DTD1: variants seen among roughly 807,000 people sequenced by gnomAD.
DTD1 encodes D-aminoacyl-tRNA deacylase 1, also known as D-tyrosyl-tRNA deacylase 1 homolog.
Under a neutral mutation model 25.6 loss-of-function variants are expected in DTD1, and 13 were observed. The ratio of observed to expected loss-of-function variants is 0.51; its 90% CI spans 0.33 to 0.81. The LOEUF is 0.81. Ranked by LOEUF, DTD1 falls within the 30% of genes least tolerant of loss-of-function variation. The pLI is 0.02. For missense variants in DTD1, 193 were observed against 266.4 expected (o/e 0.72, Z 1.92); for synonymous variants, 110 against 103.6 (o/e 1.06, Z -0.37).
At chr20:18,713,106 C>A (rs1327545770) in intron 4 of DTD1, among the ~76,000 whole-genome samples, 1 of 152,288 alleles carries the variant, frequency 6.6e-6, no homozygotes. Context: ...TCTGCTCCCC[C>A]TCCCATGGCC....
intron 3 of DTD1, among the ~76,000 whole-genome samples, chr20:18,606,195 C>T (rs1325245925): frequency 6.7e-6 from 1 of 149,530 alleles, no homozygotes; most frequent in Non-Finnish European, 1.5e-5. Flanking sequence ...CATCACTAGC[C>T]ATCAGAGAAA....
chr20:18,738,560 C>T (rs1216715594), intron 4 of DTD1, among the ~76,000 whole-genome samples: 1 of 152,202 alleles, frequency 6.6e-6, no homozygotes, highest in Admixed American at 6.5e-5. Context: ...CCGTTTCCTC[C>T]CCTGACTATG....
At chr20:18,709,167 C>T (rs1265668768) in intron 4 of DTD1, among the ~76,000 whole-genome samples, 1 of 152,164 alleles carries the variant, frequency 6.6e-6, no homozygotes, top group Non-Finnish European at 1.5e-5. Context: ...TTTGAAAAGA[C>T]TTGTACACAA....
chr20:18,691,928 G>A (rs559394516), intron 4 of DTD1: 2 of 152,006 alleles, frequency 1.3e-5, no homozygotes, highest in African/African-American at 4.8e-5. Context: ...TCTCACACCT[G>A]GTCAGCATAA....
At chr20:18,650,738 T>C (rs2060871080) in intron 4 of DTD1, among the ~76,000 whole-genome samples, 1 of 152,302 alleles carries the variant, frequency 6.6e-6, no homozygotes, top group Middle Eastern at 3.4e-3. Context: ...CTGTGTAAGG[T>C]TGTAACATGG....
At chr20:18,743,681 A>AG (rs1402493646) in intron 4 of DTD1, among the ~76,000 whole-genome samples, 1 of 146,760 alleles carries the variant, frequency 6.8e-6, no homozygotes, top group Non-Finnish European at 1.5e-5. Context: ...CTCAAAAAAA[A>AG]AAAAAAAAAA....
At chr20:18,606,810 A>G (rs1225936849) in intron 3 of DTD1, among the ~76,000 whole-genome samples, 1 of 144,068 alleles carries the variant, frequency 6.9e-6, no homozygotes, top group Admixed American at 7.0e-5. Flanking sequence ...ATAGCATTGG[A>G]AGATATACCT....
At chr20:18,741,897 A>ATTTTTTTTTTTTT (rs57912866) in intron 4 of DTD1, among the ~76,000 whole-genome samples, 1 of 88,726 alleles carries the variant, frequency 1.1e-5, no homozygotes, top group African/African-American at 4.1e-5. Flanking sequence ...TAACCTTTGT[A>ATTTTTTTTTTTTT]TTTTTTTTTT....
At chr20:18,717,098 A>G (rs1471258720) in intron 4 of DTD1, among the ~76,000 whole-genome samples, 1 of 152,196 alleles carries the variant, frequency 6.6e-6, no homozygotes, top group Non-Finnish European at 1.5e-5. Context: ...GTGTTATTCA[A>G]GGTTCAAGTT....
chr20:18,621,177 T>C (rs1307784538), intron 3 of DTD1, among the ~76,000 whole-genome samples: 1 of 152,196 alleles, frequency 6.6e-6, no homozygotes, highest in African/African-American at 2.4e-5. Flanking sequence ...ACCTTGTCTT[T>C]CCTTGTTTTT....
At chr20:18,704,989 A>G (rs1459851660) in intron 4 of DTD1, among the ~76,000 whole-genome samples, 1 of 152,242 alleles carries the variant, frequency 6.6e-6, no homozygotes, top group Non-Finnish European at 1.5e-5. Flanking sequence ...GCTGTCCAGT[A>G]GCATGGCCAC....
intron 4 of DTD1, among the ~76,000 whole-genome samples, chr20:18,669,886 G>A (rs1478107896): frequency 1.3e-5 from 2 of 152,138 alleles, no homozygotes; most frequent in African/African-American, 2.4e-5. Context: ...AGTTCCATTG[G>A]GGGTAAAGAT....
At chr20:18,610,293 A>G (rs118111502) in intron 3 of DTD1, among the ~76,000 whole-genome samples, 179 of 152,230 alleles carry the variant, frequency 1.2e-3, no homozygotes, top group Middle Eastern at 3.4e-3. Flanking sequence ...GGGTCTTGCT[A>G]TGTTACTTAG....
Position 18,734,354 on chromosome 20 carries a change from A to G in DTD1, c.478-9746A>G, listed in dbSNP as rs76672998. Among the ~76,000 whole-genome samples the G allele has an allele frequency of 3.9e-3, 597 of 152,344 alleles. 4 individuals carry two copies. Among genetic ancestry groups the G allele is most frequent in the African/African-American group, 0.014 (578 of 41,580 alleles). ...TCTGAAGGGAAAGATGAATCTCTAT[A>G]CGAAGTTGACACATGGTCATTGGGC... On this transcript the variant is annotated intron_variant, in intron 4 of 5. Transcript: ENST00000377452.
chr20:18,682,227 A>C (rs1329571424), intron 4 of DTD1, among the ~76,000 whole-genome samples: 1 of 152,232 alleles, frequency 6.6e-6, no homozygotes, highest in Non-Finnish European at 1.5e-5. Context: ...CATTTTAGGC[A>C]ACAGACATTT....
At chr20:18,670,021 G>T (rs569590989) in intron 4 of DTD1, among the ~76,000 whole-genome samples, 4 of 152,264 alleles carry the variant, frequency 2.6e-5, no homozygotes, top group African/African-American at 7.2e-5. Context: ...TCTGTCACCT[G>T]CATGGCTGCA....
intron 4 of DTD1, among the ~76,000 whole-genome samples, chr20:18,636,054 T>G (rs6081266): frequency 0.3 from 46,302 of 152,132 alleles, 7,585 homozygotes; most frequent in Non-Finnish European, 0.37. Flanking sequence ...AATGGGGTAG[T>G]GCATTTAAGG....
intron 4 of DTD1, among the ~76,000 whole-genome samples, chr20:18,629,053 A>G (rs1206174131): frequency 2.2e-5 from 3 of 137,878 alleles, no homozygotes; most frequent in Non-Finnish European, 4.5e-5. Context: ...CTGGAGCACA[A>G]TGGCGCCATC....
intron 4 of DTD1, among the ~76,000 whole-genome samples, chr20:18,704,911 G>A (rs1216736552): frequency 6.6e-6 from 1 of 152,158 alleles, no homozygotes; most frequent in Non-Finnish European, 1.5e-5. Flanking sequence ...TCTGCCAAGG[G>A]GAGACTTGGG....
Sources: gnomAD v4.1 joint callset for allele counts (sites outside exome capture counted in the v4.1 genomes callset) on GRCh38, gnomAD v4.1.1 for gene constraint, MANE v1.5 for transcripts, NCBI Gene and HGNC (gene_info 2026-07-23, HGNC 2026-07-21) for gene names.